Variants in NTN4 observed in about 807,000 individuals in gnomAD.
The protein encoded by NTN4 is netrin-4.
NTN4 carries 32 observed loss-of-function variants against 73.6 expected under a neutral mutation model. That is an observed-to-expected ratio of 0.44 (90% confidence interval 0.33 to 0.58). The LOEUF (loss-of-function observed/expected upper bound fraction) is 0.58, where lower values mean the gene tolerates loss of function less well. Ranked by LOEUF, NTN4 falls within the 20% of genes least tolerant of loss-of-function variation. NTN4 has a pLI of 0.04. For synonymous variants in NTN4, 258 were observed against 287.5 expected (o/e 0.90, Z 1.04); for missense variants, 654 against 798.3 (o/e 0.82, Z 2.18).
At chr12:95,687,648 G>A (rs1311444507) in intron 5 of NTN4, among the ~76,000 whole-genome samples, 1 of 152,046 alleles carries the variant, frequency 6.6e-6, no homozygotes, top group African/African-American at 2.4e-5. Context: ...TGATCTGCCT[G>A]AGTCAGCCTC....
At chr12:95,764,338 A>C (rs2079006552) in intron 2 of NTN4, among the ~76,000 whole-genome samples, 1 of 152,320 alleles carries the variant, frequency 6.6e-6, no homozygotes, top group East Asian at 1.9e-4. Flanking sequence ...AGCATCTAGA[A>C]GTAGCTAACT....
At chr12:95,715,372 TG>T (rs1170893725) in intron 3 of NTN4, among the ~76,000 whole-genome samples, 1 of 152,122 alleles carries the variant, frequency 6.6e-6, no homozygotes, top group East Asian at 1.9e-4. Flanking sequence ...ATTGGCTCCT[TG>T]AAAAAAAGAT....
chr12:95,705,544 G>C (rs888671729), intron 5 of NTN4, among the ~76,000 whole-genome samples: 3 of 151,956 alleles, frequency 2.0e-5, no homozygotes, highest in Non-Finnish European at 2.9e-5. Context: ...TCTTCCTTCT[G>C]TTCCTTTTTG....
chr12:95,756,703 C>CT (rs879704921), intron 2 of NTN4, among the ~76,000 whole-genome samples: 2 of 152,100 alleles, frequency 1.3e-5, no homozygotes, highest in South Asian at 2.1e-4. Context: ...TATGATCTCT[C>CT]TTTTTTTTCC....
At chr12:95,707,048 C>A (rs1038298635) in intron 5 of NTN4, among the ~76,000 whole-genome samples, 1 of 152,212 alleles carries the variant, frequency 6.6e-6, no homozygotes, top group African/African-American at 2.4e-5. Context: ...CTAACTTCAA[C>A]TAAAGCTGAA....
chr12:95,738,786 T>C (rs2078801376), intron 2 of NTN4, among the ~76,000 whole-genome samples: 1 of 152,234 alleles, frequency 6.6e-6, no homozygotes, highest in Non-Finnish European at 1.5e-5. Context: ...CAAGGTCTAC[T>C]GGTACAGACC....
Position 95,681,354 on chromosome 12 carries a change from C to A in NTN4, c.1510+1353G>T, listed in dbSNP as rs145955192. 1.6e-3 allele frequency among the ~76,000 whole-genome samples: 244 copies of A among 152,086 alleles called. 1 individual carries two copies. Among genetic ancestry groups the A allele is most frequent in the African/African-American group, 5.7e-3 (236 of 41,478 alleles). ...GCAACTGGGCTTGGGGCTGGTACAT[C>A]GGGGACTTCAAAAGCATCTGTAACA... On this transcript the variant is annotated intron_variant, in intron 7 of 9. Coordinates refer to ENST00000343702, the MANE Select transcript of NTN4 (RefSeq NM_021229.4).
intron 7 of NTN4, 104 bp from the exon 8 acceptor site, chr12:95,670,250 A>G: frequency 1.6e-6 from 1 of 610,354 alleles, no homozygotes. Flanking sequence ...TTAAGCCTTG[A>G]GTGATGCATA....
At chr12:95,721,643 T>C (rs1380454120) in intron 3 of NTN4, among the ~76,000 whole-genome samples, 1 of 152,218 alleles carries the variant, frequency 6.6e-6, no homozygotes, top group Non-Finnish European at 1.5e-5. Context: ...TTAGATACGA[T>C]CTGGTAAGAA....
chr12:95,695,445 A>G (rs937804332), intron 5 of NTN4, among the ~76,000 whole-genome samples: 1 of 151,596 alleles, frequency 6.6e-6, no homozygotes, highest in African/African-American at 2.4e-5. Context: ...GTTTACTGCA[A>G]CCTCCACCTC....
intron 3 of NTN4, among the ~76,000 whole-genome samples, chr12:95,728,221 T>C (rs1319277018): frequency 2.0e-5 from 3 of 152,192 alleles, no homozygotes; most frequent in African/African-American, 7.2e-5. Flanking sequence ...TCTAAGATTA[T>C]ATCATTTGTG....
intron 2 of NTN4, among the ~76,000 whole-genome samples, chr12:95,773,965 T>A (rs1266096535): frequency 6.6e-6 from 1 of 152,170 alleles, no homozygotes; most frequent in Admixed American, 6.5e-5. Flanking sequence ...AGAACTGTGA[T>A]GTTCATTCCC....
intron 7 of NTN4, among the ~76,000 whole-genome samples, chr12:95,675,646 G>GTTTTCAATTTGTTGATACTTCTTGAATT (rs1414289037): frequency 1.3e-5 from 2 of 152,068 alleles, no homozygotes; most frequent in East Asian, 3.8e-4. Context: ...AGAAATGAAT[G>GTTTTCAATTTGTTGATACTTCTTGAATT]TTTTCAATTT....
intron 5 of NTN4, among the ~76,000 whole-genome samples, chr12:95,703,193 AAG>A (rs1423359036): frequency 1.3e-5 from 2 of 152,238 alleles, no homozygotes; most frequent in East Asian, 3.9e-4. Context: ...ACTGGAAAAG[AAG>A]AGAGAGAAGA....
intron 5 of NTN4, 81 bp downstream of exon 5, chr12:95,710,358 CTT>C (rs200902161): frequency 0.01 from 12,002 of 1,154,082 alleles, 117 homozygotes; most frequent in African/African-American, 0.035. Context: ...TGACCTCCTT[CTT>C]TTGGGTTAGC....
At chr12:95,744,042 C>T (rs2078844457) in intron 2 of NTN4, among the ~76,000 whole-genome samples, 1 of 152,146 alleles carries the variant, frequency 6.6e-6, no homozygotes, top group African/African-American at 2.4e-5. Context: ...GTTGGGATTA[C>T]AGGCTCCTGC....
chr12:95,709,705 G>T (rs1393825051), intron 5 of NTN4, among the ~76,000 whole-genome samples: 1 of 151,906 alleles, frequency 6.6e-6, no homozygotes, highest in East Asian at 1.9e-4. Context: ...AGCTATTTTT[G>T]TAGTTTTTGT....
chr12:95,672,161 A>AAAG, intron 7 of NTN4: 1 of 463,718 alleles, frequency 2.2e-6, no homozygotes, highest in South Asian at 2.0e-5. Flanking sequence ...TCTCTACAAA[A>AAAG]AAGATTAAAA....
intron 9 of NTN4, 50 bp from the exon 10 acceptor site, chr12:95,659,272 G>A: frequency 7.1e-7 from 1 of 1,412,486 alleles, no homozygotes; most frequent in Non-Finnish European, 9.7e-7. Flanking sequence ...TTTGTTGAAG[G>A]GAGAGATGTG....
Sources: gnomAD v4.1 joint callset for allele counts (sites outside exome capture counted in the v4.1 genomes callset) on GRCh38, gnomAD v4.1.1 for gene constraint, MANE v1.5 for transcripts, NCBI Gene and HGNC (gene_info 2026-07-23, HGNC 2026-07-21) for gene names.